The following GRB14 variants were observed in gnomAD, a reference collection of about 807,000 sequenced individuals.
GRB14 encodes the protein growth factor receptor-bound protein 14.
In GRB14, 38 loss-of-function variants were observed where a neutral mutation model predicts 69.1. The observed-to-expected ratio is 0.55, with a 90% CI of 0.42 to 0.72. The LOEUF is 0.72. GRB14 is among the 30% of genes least tolerant of loss of function. The pLI, the probability that GRB14 is intolerant of heterozygous loss-of-function variation, is 0.00. For synonymous variants in GRB14, 247 were observed against 241.3 expected (o/e 1.02, Z -0.22); for missense variants, 666 against 666.1 (o/e 1.00, Z 0.00).
intron 2 of GRB14, among the ~76,000 whole-genome samples, chr2:164,550,063 T>G (rs1027956992): frequency 1.3e-5 from 2 of 152,098 alleles, no homozygotes; most frequent in African/African-American, 4.8e-5. Flanking sequence ...CCATCTCAGG[T>G]ATGAATATTT....
At chr2:164,595,824 A>G (rs1372407860) in intron 2 of GRB14, among the ~76,000 whole-genome samples, 1 of 152,172 alleles carries the variant, frequency 6.6e-6, no homozygotes, top group African/African-American at 2.4e-5. Flanking sequence ...TCATGAATCT[A>G]ATTAGAATTT....
chr2:164,548,048 A>G lies in GRB14; in HGVS notation c.325-232T>C, dbSNP rs564992857. The stretch of plus-strand genomic sequence containing the variant: ...ATCTACTCATTTCTCAAAATTCCAA[A>G]TTCAATACACTATTATGAACCATAG... On this transcript the variant is annotated intron_variant, in intron 2 of 13. Transcript: ENST00000263915. 8.5e-5 allele frequency among the ~76,000 whole-genome samples: 13 copies of G among 152,272 alleles called. No homozygotes were observed. The East Asian group carries it at 2.5e-3, about 29-fold the overall frequency.
intron 3 of GRB14, among the ~76,000 whole-genome samples, chr2:164,530,289 T>C (rs1687891089): frequency 6.6e-6 from 1 of 152,076 alleles, no homozygotes; most frequent in African/African-American, 2.4e-5. Context: ...AACCAGCTTT[T>C]GTGTGAACAA....
chr2:164,533,966 T>C (rs1688017153), intron 3 of GRB14, among the ~76,000 whole-genome samples: 1 of 152,220 alleles, frequency 6.6e-6, no homozygotes. Flanking sequence ...ACTGAGTATT[T>C]ACATACTGCA....
At chr2:164,501,289 T>C (rs1304758591) in intron 9 of GRB14, among the ~76,000 whole-genome samples, 1 of 152,072 alleles carries the variant, frequency 6.6e-6, no homozygotes, top group Non-Finnish European at 1.5e-5. Flanking sequence ...ATAATCAACA[T>C]TATTTCATGC....
chr2:164,586,409 C>T lies in GRB14; in HGVS notation c.324+33278G>A, dbSNP rs932562627. Among the ~76,000 whole-genome samples the T allele has an allele frequency of 1.2e-4, 18 of 152,138 alleles. 1 individual carries two copies. Among genetic ancestry groups the T allele is most frequent in the Non-Finnish European group, 1.5e-5 (1 of 68,026 alleles). On this transcript the variant is annotated intron_variant, in intron 2 of 13. Coordinates refer to ENST00000263915, the MANE Select transcript of GRB14 (RefSeq NM_004490.3). ...ATATGACATGATGAGAGCTGTTCTT[C>T]TGGGAAGATAAATGTGGCAGCCATT... is the stretch of plus-strand genomic sequence containing the variant.
intron 2 of GRB14, among the ~76,000 whole-genome samples, chr2:164,587,968 G>T (rs1689576360): frequency 6.6e-6 from 1 of 152,134 alleles, no homozygotes; most frequent in Non-Finnish European, 1.5e-5. Context: ...AAATAAACAT[G>T]TGGTTCTAAA....
intron 6 of GRB14, among the ~76,000 whole-genome samples, chr2:164,515,711 G>T (rs1039177734): frequency 8.1e-5 from 12 of 148,150 alleles, no homozygotes; most frequent in African/African-American, 2.7e-4. Flanking sequence ...AAACCAAGAA[G>T]AAATCTATGA....
At chr2:164,585,667 T>C (rs527285061) in intron 2 of GRB14, among the ~76,000 whole-genome samples, 1 of 152,288 alleles carries the variant, frequency 6.6e-6, no homozygotes, top group South Asian at 2.1e-4. Context: ...AACATCACAT[T>C]GTATGCCTTA....
intron 2 of GRB14, among the ~76,000 whole-genome samples, chr2:164,599,392 A>G (rs970078251): frequency 6.6e-6 from 1 of 152,234 alleles, no homozygotes; most frequent in Admixed American, 6.5e-5. Flanking sequence ...AGAATTTACA[A>G]CCATCTTTAA....
intron 2 of GRB14, among the ~76,000 whole-genome samples, chr2:164,589,480 T>C (rs535775059): frequency 1.3e-5 from 2 of 152,196 alleles, no homozygotes; most frequent in Admixed American, 1.3e-4. Context: ...CCAGGCTGCT[T>C]CCACTAATGG....
chr2:164,606,418 T>C (rs927693268), intron 2 of GRB14, among the ~76,000 whole-genome samples: 1 of 152,234 alleles, frequency 6.6e-6, no homozygotes, highest in African/African-American at 2.4e-5. Flanking sequence ...GGCGGGTAAA[T>C]CTGTATTGAA....
chr2:164,516,310 A>T (rs1405620808), intron 6 of GRB14, among the ~76,000 whole-genome samples: 1 of 152,058 alleles, frequency 6.6e-6, no homozygotes, highest in African/African-American at 2.4e-5. Flanking sequence ...AAGAGCTATG[A>T]GGCATAAGCA....
intron 2 of GRB14, among the ~76,000 whole-genome samples, chr2:164,564,340 G>A (rs1354242172): frequency 6.6e-6 from 1 of 152,226 alleles, no homozygotes; most frequent in Non-Finnish European, 1.5e-5. Flanking sequence ...CAAATGCTAA[G>A]GAAGCCTGGA....
At chr2:164,539,829 C>T (rs1190713290) in intron 3 of GRB14, 1 of 152,144 alleles carries the variant, frequency 6.6e-6, no homozygotes, top group African/African-American at 2.4e-5. Flanking sequence ...GAAGATGGTA[C>T]AATGGCTGCA....
intron 2 of GRB14, among the ~76,000 whole-genome samples, chr2:164,561,534 C>G (rs1213821133): frequency 1.3e-5 from 2 of 152,112 alleles, no homozygotes; most frequent in African/African-American, 4.8e-5. Context: ...TGAGATTCGT[C>G]CCATGAAAAG....
At chr2:164,592,103 T>C (rs915485867) in intron 2 of GRB14, among the ~76,000 whole-genome samples, 1 of 152,096 alleles carries the variant, frequency 6.6e-6, no homozygotes, top group African/African-American at 2.4e-5. Context: ...TCTTTTTCTT[T>C]ATAAATTACC....
At chr2:164,589,407 G>T (rs1457094656) in intron 2 of GRB14, among the ~76,000 whole-genome samples, 1 of 152,086 alleles carries the variant, frequency 6.6e-6, no homozygotes, top group Non-Finnish European at 1.5e-5. Context: ...TAATTTATAA[G>T]GAAAAATGGT....
chr2:164,560,131 C>T (rs1688783994), intron 2 of GRB14, among the ~76,000 whole-genome samples: 1 of 152,166 alleles, frequency 6.6e-6, no homozygotes, highest in African/African-American at 2.4e-5. Flanking sequence ...CCATTTCTGG[C>T]TCCCACCTGA....
Sources: gnomAD v4.1 joint callset for allele counts (sites outside exome capture counted in the v4.1 genomes callset) on GRCh38, gnomAD v4.1.1 for gene constraint, MANE v1.5 for transcripts, NCBI Gene and HGNC (gene_info 2026-07-23, HGNC 2026-07-21) for gene names.